The following SCGB2B2 variants were observed in gnomAD, a reference collection of about 807,000 sequenced individuals.
SCGB2B2 encodes the protein secretoglobin family 2B member 2.
A neutral mutation model predicts 7.6 loss-of-function variants in SCGB2B2; 11 were observed. The observed-to-expected ratio is 1.45, with a 90% CI of 0.91 to 2.40. SCGB2B2 has a LOEUF of 2.40. SCGB2B2 is among the 30% of genes most tolerant of loss of function. The pLI, the probability that SCGB2B2 is intolerant of heterozygous loss-of-function variation, is 0.00. For missense variants in SCGB2B2, 104 were observed against 115.4 expected, an observed-to-expected ratio of 0.90 and a Z score of 0.45; for synonymous variants, 50 against 48.6, an observed-to-expected ratio of 1.03 and a Z score of -0.12.
At chr19:34,663,605 C>T (rs142239148) in intron 1 of SCGB2B2, among the ~76,000 whole-genome samples, 7 of 152,244 alleles carry the variant, frequency 4.6e-5, no homozygotes, top group South Asian at 2.1e-4. Context: ...AGGCTGGTGC[C>T]GGGAGGAGCT....
downstream of SCGB2B2, among the ~76,000 whole-genome samples, chr19:34,587,544 G>A (rs1415945379): frequency 1.3e-5 from 2 of 152,022 alleles, no homozygotes; most frequent in African/African-American, 4.8e-5. Context: ...TAATTGCTCT[G>A]GCTAGGACTT....
rs1466182063 is a variant in SCGB2B2 at position 34,592,347 on chromosome 19, G to A, written c.*1208C>T. 6.6e-6 allele frequency among the ~76,000 whole-genome samples: 1 copy of A among 152,150 alleles called. No individual in the cohort carries two copies. Among genetic ancestry groups the A allele is most frequent in the Non-Finnish European group, 1.5e-5 (1 of 68,020 alleles). On this transcript the variant is annotated 3_prime_UTR_variant, in exon 4 of 4. Transcript: ENST00000601241. Reference sequence around the variant, plus strand: ...AGGGAAATGAGCTCTCAAAGATCCAGGGAGAAAGAAGATCCAGGCTGGTAT... The same window carrying A: ...AGGGAAATGAGCTCTCAAAGATCCAAGGAGAAAGAAGATCCAGGCTGGTAT...
intron 1 of SCGB2B2, among the ~76,000 whole-genome samples, chr19:34,602,506 C>T (rs1040408931): frequency 6.6e-6 from 1 of 152,100 alleles, no homozygotes; most frequent in Non-Finnish European, 1.5e-5. Context: ...TACCCCAGAA[C>T]ATGGCCTTTT....
chr19:34,587,190 G>A (rs1301060703), downstream of SCGB2B2, among the ~76,000 whole-genome samples: 1 of 152,108 alleles, frequency 6.6e-6, no homozygotes, highest in Non-Finnish European at 1.5e-5. Context: ...TTACAGGTGT[G>A]AGCCACCACA....
intron 1 of SCGB2B2, among the ~76,000 whole-genome samples, chr19:34,627,639 G>T (rs2066415734): frequency 6.6e-6 from 1 of 152,152 alleles, no homozygotes; most frequent in Admixed American, 6.5e-5. Context: ...CACCTACAAA[G>T]AGACTTGGAC....
intron 1 of SCGB2B2, among the ~76,000 whole-genome samples, chr19:34,629,408 C>G (rs1237808797): frequency 6.6e-6 from 1 of 151,974 alleles, no homozygotes; most frequent in African/African-American, 2.4e-5. Flanking sequence ...AGCTGATAAG[C>G]AACTTCAGCA....
chr19:34,606,991 C>T (rs2065799593), intron 1 of SCGB2B2, among the ~76,000 whole-genome samples: 1 of 152,198 alleles, frequency 6.6e-6, no homozygotes, highest in African/African-American at 2.4e-5. Flanking sequence ...AGCTCACTTA[C>T]CTTGCATAGC....
Position 34,590,890 on chromosome 19 carries a change from AAAGT to A in SCGB2B2, c.*2661_*2664del, listed in dbSNP as rs1397515841. Among the ~76,000 whole-genome samples, 1 of 152,218 alleles carries A rather than the reference AAAGT, an allele frequency of 6.6e-6. No homozygotes were observed. Among genetic ancestry groups the A allele is most frequent in the Non-Finnish European group, 1.5e-5 (1 of 68,036 alleles). ...CACATGTGAAATGCTTTTGCATCTCAAAGTATTTATATCAATAACATGTTTGTCC... is the reference window on the plus strand; with the variant it reads ...CACATGTGAAATGCTTTTGCATCTCAATTTATATCAATAACATGTTTGTCC... On this transcript the variant is annotated 3_prime_UTR_variant, in exon 4 of 4. Transcript: ENST00000601241.
At chr19:34,644,377 C>A (rs1375133897) in intron 1 of SCGB2B2, among the ~76,000 whole-genome samples, 5 of 111,080 alleles carry the variant, frequency 4.5e-5, no homozygotes, top group South Asian at 3.0e-4. Context: ...TTTTTTTTTA[C>A]TCTGGTAAAA....
intron 1 of SCGB2B2, among the ~76,000 whole-genome samples, chr19:34,673,681 C>G (rs1357645725): frequency 6.6e-6 from 1 of 152,096 alleles, no homozygotes; most frequent in Non-Finnish European, 1.5e-5. Flanking sequence ...CCTGGACATT[C>G]CAGTGTGTAA....
At chr19:34,629,084 A>G (rs959321122) in intron 1 of SCGB2B2, among the ~76,000 whole-genome samples, 3 of 152,006 alleles carry the variant, frequency 2.0e-5, no homozygotes, top group Non-Finnish European at 4.4e-5. Context: ...TCATGCTAAA[A>G]ACTCTCAATA....
chr19:34,615,567 G>A (rs2145865291), intron 1 of SCGB2B2, among the ~76,000 whole-genome samples: 1 of 151,548 alleles, frequency 6.6e-6, no homozygotes, highest in Admixed American at 6.6e-5. Flanking sequence ...TATTCATACT[G>A]TCTTTGGGGG....
rs895636469 is a variant in SCGB2B2 at position 34,591,947 on chromosome 19, C to T, written c.*1608G>A. ...GATGTGAACTTCAGGGAAGCAGGGCCGTCACCTGCCTTGTTTTCCACTGGG... is the reference window on the plus strand; with the variant it reads ...GATGTGAACTTCAGGGAAGCAGGGCTGTCACCTGCCTTGTTTTCCACTGGG... On this transcript the variant is annotated 3_prime_UTR_variant, in exon 4 of 4. Transcript: ENST00000601241. 2.0e-5 allele frequency among the ~76,000 whole-genome samples: 3 copies of T among 152,176 alleles called. No individual in the cohort carries two copies. Among genetic ancestry groups the T allele is most frequent in the Non-Finnish European group, 4.4e-5 (3 of 68,044 alleles).
At chr19:34,628,334 C>A (rs994849008) in intron 1 of SCGB2B2, among the ~76,000 whole-genome samples, 2 of 148,356 alleles carry the variant, frequency 1.3e-5, no homozygotes, top group Admixed American at 6.7e-5. Context: ...AATCCAGGAA[C>A]TGTTTTTTTG....
At chr19:34,630,161 T>C (rs1427356364) in intron 1 of SCGB2B2, among the ~76,000 whole-genome samples, 9 of 151,918 alleles carry the variant, frequency 5.9e-5, no homozygotes, top group Admixed American at 2.0e-4. Flanking sequence ...ATAAAAACCC[T>C]AGAAGAAAAC....
chr19:34,638,592 T>G (rs1276924284), intron 1 of SCGB2B2, among the ~76,000 whole-genome samples: 1 of 152,184 alleles, frequency 6.6e-6, no homozygotes, highest in Non-Finnish European at 1.5e-5. Flanking sequence ...TTGGCCTTGA[T>G]AGCAATCAGA....
chr19:34,667,717 C>A (rs950040218), intron 1 of SCGB2B2, among the ~76,000 whole-genome samples: 1 of 148,696 alleles, frequency 6.7e-6, no homozygotes, highest in African/African-American at 2.4e-5. Flanking sequence ...TTCCCCAATT[C>A]TTTGTTCAAA....
At chr19:34,648,895 AT>A (rs2067091098) in intron 1 of SCGB2B2, among the ~76,000 whole-genome samples, 1 of 151,630 alleles carries the variant, frequency 6.6e-6, no homozygotes, top group Admixed American at 6.6e-5. Context: ...TTTATGATTT[AT>A]TTTATTTATT....
chr19:34,607,050 G>C (rs918038011), intron 1 of SCGB2B2, among the ~76,000 whole-genome samples: 1 of 152,046 alleles, frequency 6.6e-6, no homozygotes, highest in Non-Finnish European at 1.5e-5. Flanking sequence ...TTCATCCCCC[G>C]GCTACACTTT....
Sources: allele counts gnomAD v4.1 joint callset (sites outside exome capture counted in the v4.1 genomes callset), GRCh38; gene constraint gnomAD v4.1.1; transcripts MANE v1.5; gene names NCBI Gene and HGNC (gene_info 2026-07-23, HGNC 2026-07-21).